Variants in DSCAM observed in about 807,000 individuals in gnomAD.
DSCAM encodes the protein DS cell adhesion molecule, also known as cell adhesion molecule DSCAM.
In DSCAM, 47 loss-of-function variants were observed where a neutral mutation model predicts 217.7. The ratio of observed to expected loss-of-function variants is 0.22; its 90% CI spans 0.17 to 0.28. The LOEUF is 0.28. Among genes scored for constraint, DSCAM ranks in the 10% least tolerant of loss-of-function variants. DSCAM has a pLI of 1.00. For synonymous variants in DSCAM, 1,056 were observed against 1,015.3 expected, an observed-to-expected ratio of 1.04 and a Z score of -0.76; for missense variants, 2,080 against 2,618.3, an observed-to-expected ratio of 0.79 and a Z score of 4.49.
chr21:40,488,392 T>C (rs533078379), intron 3 of DSCAM, among the ~76,000 whole-genome samples: 12 of 152,344 alleles, frequency 7.9e-5, no homozygotes, highest in South Asian at 6.2e-4. Context: ...TGGAAACTTC[T>C]ATTTGAAGGC....
intron 30 of DSCAM, among the ~76,000 whole-genome samples, chr21:40,045,287 C>T (rs904323704): frequency 6.6e-5 from 10 of 152,178 alleles, no homozygotes; most frequent in African/African-American, 1.4e-4. Context: ...GCAGAGGGAC[C>T]ATATTTTTAT....
intron 28 of DSCAM, among the ~76,000 whole-genome samples, chr21:40,056,623 GTTGT>G (rs1199587222): frequency 1.3e-5 from 2 of 152,098 alleles, no homozygotes; most frequent in Non-Finnish European, 2.9e-5. Context: ...TAGAAGGGTG[GTTGT>G]TCAGTCTTTA....
intron 27 of DSCAM, among the ~76,000 whole-genome samples, chr21:40,071,823 G>A (rs1601298001): frequency 6.6e-6 from 1 of 152,188 alleles, no homozygotes; most frequent in Admixed American, 6.5e-5. Context: ...AATGCACTCC[G>A]GATATTTAAT....
intron 3 of DSCAM, among the ~76,000 whole-genome samples, chr21:40,673,541 A>C (rs1478478687): frequency 6.6e-6 from 1 of 152,216 alleles, no homozygotes; most frequent in Non-Finnish European, 1.5e-5. Context: ...TCTATAGAAT[A>C]ACATGAGTGG....
At chr21:40,429,953 C>A (rs1601637014) in intron 3 of DSCAM, among the ~76,000 whole-genome samples, 1 of 152,016 alleles carries the variant, frequency 6.6e-6, no homozygotes, top group African/African-American at 2.4e-5. Context: ...TAAAAATGAC[C>A]AAGAAAAGAG....
chr21:40,146,281 G>T (rs1280527468), intron 16 of DSCAM, among the ~76,000 whole-genome samples: 2 of 151,596 alleles, frequency 1.3e-5, no homozygotes, highest in Non-Finnish European at 2.9e-5. Context: ...GAGGTGGCGG[G>T]GCACGGCTCA....
chr21:40,394,502 T>C (rs1323235948), intron 3 of DSCAM, among the ~76,000 whole-genome samples: 1 of 152,214 alleles, frequency 6.6e-6, no homozygotes, highest in African/African-American at 2.4e-5. Flanking sequence ...ACACAATGCA[T>C]CTGACTGCGT....
intron 3 of DSCAM, among the ~76,000 whole-genome samples, chr21:40,507,992 C>T (rs546593879): frequency 6.6e-6 from 1 of 152,154 alleles, no homozygotes; most frequent in East Asian, 1.9e-4. Flanking sequence ...GCTAAATGTA[C>T]CTGTGGAAAA....
At chr21:40,221,825 C>A (rs982623823) in intron 11 of DSCAM, among the ~76,000 whole-genome samples, 2 of 152,156 alleles carry the variant, frequency 1.3e-5, no homozygotes, top group African/African-American at 4.8e-5. Context: ...CAGTGGAAAT[C>A]ATTTCATTTC....
intron 3 of DSCAM, among the ~76,000 whole-genome samples, chr21:40,487,032 TAAC>T (rs1446820243): frequency 2.6e-5 from 4 of 152,092 alleles, no homozygotes; most frequent in Non-Finnish European, 5.9e-5. Context: ...AAGCAGGTGG[TAAC>T]AACAACATGC....
intron 11 of DSCAM, among the ~76,000 whole-genome samples, chr21:40,266,635 T>TATATATA (rs1555896543): frequency 4.8e-5 from 3 of 62,642 alleles, no homozygotes; most frequent in South Asian, 8.0e-4. Flanking sequence ...CAAAGATGTT[T>TATATATA]TATATATATA....
chr21:40,718,648 T>C (rs989065647), intron 1 of DSCAM, among the ~76,000 whole-genome samples: 1 of 151,884 alleles, frequency 6.6e-6, no homozygotes, highest in African/African-American at 2.4e-5. Flanking sequence ...GAATTCAAGA[T>C]GAGATTTGGG....
intron 3 of DSCAM, among the ~76,000 whole-genome samples, chr21:40,459,807 T>G (rs867713371): frequency 2.1e-5 from 3 of 145,868 alleles, no homozygotes; most frequent in African/African-American, 7.9e-5. Flanking sequence ...AAAGAAAACC[T>G]GCCCCCCACC....
At chr21:40,067,758 C>T (rs979206188) in intron 27 of DSCAM, among the ~76,000 whole-genome samples, 1 of 88,516 alleles carries the variant, frequency 1.1e-5, no homozygotes, top group African/African-American at 4.1e-5. Context: ...CCCTCCCTCC[C>T]TCCCTCCCTC....
chr21:40,777,785 A>G (rs2091501908), intron 1 of DSCAM, among the ~76,000 whole-genome samples: 2 of 152,186 alleles, frequency 1.3e-5, no homozygotes, highest in Non-Finnish European at 2.9e-5. Context: ...CAAAAGTACA[A>G]TATACTGAGA....
intron 10 of DSCAM, among the ~76,000 whole-genome samples, chr21:40,288,166 G>A (rs1020362802): frequency 5.9e-5 from 9 of 152,084 alleles, no homozygotes; most frequent in East Asian, 1.9e-4. Flanking sequence ...ACCCCTTTCC[G>A]CCCAGAAAAC....
intron 3 of DSCAM, among the ~76,000 whole-genome samples, chr21:40,566,136 T>C (rs2076762647): frequency 6.6e-6 from 1 of 152,124 alleles, no homozygotes; most frequent in African/African-American, 2.4e-5. Flanking sequence ...CATTTCATGT[T>C]TCAGGGTTTT....
At chr21:40,410,032 C>T (rs1440157523) in intron 3 of DSCAM, among the ~76,000 whole-genome samples, 1 of 151,684 alleles carries the variant, frequency 6.6e-6, no homozygotes, top group African/African-American at 2.4e-5. Flanking sequence ...TCCATTTTAA[C>T]AGTCCAAAAA....
chr21:40,110,926 A>T (rs1360336661), intron 20 of DSCAM, among the ~76,000 whole-genome samples: 1 of 152,230 alleles, frequency 6.6e-6, no homozygotes, highest in African/African-American at 2.4e-5. Flanking sequence ...GAAAAGACCA[A>T]ATCTACATCT....
Sources: gnomAD v4.1 joint callset for allele counts (sites outside exome capture counted in the v4.1 genomes callset) on GRCh38, gnomAD v4.1.1 for gene constraint, MANE v1.5 for transcripts, NCBI Gene and HGNC (gene_info 2026-07-23, HGNC 2026-07-21) for gene names.